The following GXYLT1 variants were observed in gnomAD, a reference collection of about 807,000 sequenced individuals.
GXYLT1 encodes the protein glycosyltransferase 8 domain containing 3.
In GXYLT1, 29 loss-of-function variants were observed where a neutral mutation model predicts 54.0. The observed-to-expected ratio is 0.54, with a 90% CI of 0.40 to 0.73. GXYLT1 has a LOEUF of 0.73. Ranked by LOEUF, GXYLT1 falls within the 30% of genes least tolerant of loss-of-function variation. The pLI, the probability that GXYLT1 is intolerant of heterozygous loss-of-function variation, is 0.00. For missense variants in GXYLT1, 490 were observed against 553.4 expected (o/e 0.89, Z 1.15); for synonymous variants, 176 against 204.1 (o/e 0.86, Z 1.17).
At chr12:42,144,365 G>T in intron 1 of GXYLT1, 61 bp downstream of exon 1, 1 of 1,176,780 alleles carries the variant, frequency 8.5e-7, no homozygotes, top group Non-Finnish European at 1.1e-6. Context: ...CCCGGGCTAG[G>T]CCGAGCCCGC....
intron 1 of GXYLT1, 51 bp from the exon 2 acceptor site, chr12:42,129,902 A>C (rs1317821033): frequency 7.6e-6 from 9 of 1,177,744 alleles, no homozygotes; most frequent in Non-Finnish European, 8.8e-6. Context: ...TTTGGTTTGG[A>C]ACTAACAAGG....
intron 1 of GXYLT1, among the ~76,000 whole-genome samples, chr12:42,136,402 G>A (rs2065619532): frequency 6.6e-6 from 1 of 152,130 alleles, no homozygotes; most frequent in Non-Finnish European, 1.5e-5. Flanking sequence ...ATTTTAATGA[G>A]GCAAAGCATT....
chr12:42,132,989 A>G (rs1565580764), intron 1 of GXYLT1, among the ~76,000 whole-genome samples: 2 of 152,118 alleles, frequency 1.3e-5, no homozygotes, highest in Non-Finnish European at 2.9e-5. Flanking sequence ...ACTTCTATTA[A>G]TAAGTAGGAT....
At chr12:42,144,275 C>T in intron 1 of GXYLT1, 151 bp downstream of exon 1, 1 of 388,744 alleles carries the variant, frequency 2.6e-6, no homozygotes, top group Non-Finnish European at 4.2e-6. Flanking sequence ...TAGCCCCGGC[C>T]GGAGGGGAAG....
rs2065366197 is a variant in GXYLT1 at position 42,097,981 on chromosome 12, A to G, written c.917T>C (p.Leu306Pro). The G allele has an allele frequency of 6.2e-7, 1 of 1,605,312 alleles. No individual in the cohort carries two copies. The highest frequency in any genetic ancestry group is 1.3e-5 in the African/African-American group (1 of 74,722). The change falls in exon 6 of 8, where the codon CTT (leucine) becomes CCT (proline). Residue 306 changes from leucine (L) to proline (P), a missense_variant. Transcript: ENST00000398675. ...LQWGDILMPL[L>P]KKYKLNITWG... is the part of the protein sequence containing the mutation. ...TGTGATGTTTAGTTTGTATTTTTTA[A>G]GCAATGGCATAAGTATATCTCCCCA... is the stretch of plus-strand genomic sequence containing the variant.
Position 42,144,680 on chromosome 12 carries a change from C to CG in GXYLT1, c.-35_-34insC. Reference sequence around the variant, plus strand: ...CCGCGCTCCTCCTTCGCCGCCGCCGCCGCGCCCGCCCCGACGAACTGGAGC... The same window carrying CG: ...CCGCGCTCCTCCTTCGCCGCCGCCGCGCGCGCCCGCCCCGACGAACTGGAGC... On this transcript the variant is annotated 5_prime_UTR_variant, in exon 1 of 8. Coordinates refer to ENST00000398675, the MANE Select transcript of GXYLT1 (RefSeq NM_173601.2). The CG allele has an allele frequency of 7.3e-7, 1 of 1,377,490 alleles. No homozygotes were observed. The highest frequency in any genetic ancestry group is 1.5e-5 in the South Asian group (1 of 66,440). 85.3% of individuals were successfully genotyped at this position (1,377,490 alleles called of 1,614,324 possible).
chr12:42,103,770 T>C (rs557656643), intron 5 of GXYLT1, among the ~76,000 whole-genome samples: 2 of 152,254 alleles, frequency 1.3e-5, no homozygotes, highest in South Asian at 4.1e-4. Context: ...ACCAATCATC[T>C]TGTGTTTTTT....
intron 3 of GXYLT1, among the ~76,000 whole-genome samples, chr12:42,112,048 A>C (rs1165748989): frequency 6.7e-6 from 1 of 150,194 alleles, no homozygotes; most frequent in Non-Finnish European, 1.5e-5. Context: ...GACCTCTAGC[A>C]AACTCCAAAC....
intron 4 of GXYLT1, among the ~76,000 whole-genome samples, chr12:42,108,558 A>C (rs2065434089): frequency 6.6e-6 from 1 of 152,018 alleles, no homozygotes. Flanking sequence ...AGTATCTAAA[A>C]CTTTTTTTTT....
Position 42,121,082 on chromosome 12 carries a change from T to C in GXYLT1, c.315-1911A>G, listed in dbSNP as rs182581230. ...CAATGACAAGTTAAAAACTAGGCAA[T>C]CAAGACATGACAATTTTTAGAGAAT... On this transcript the variant is annotated intron_variant, in intron 2 of 7. Coordinates refer to ENST00000398675, the MANE Select transcript of GXYLT1 (RefSeq NM_173601.2). 2.0e-3 allele frequency among the ~76,000 whole-genome samples: 302 copies of C among 152,272 alleles called. 4 individuals carry two copies. The highest frequency in any genetic ancestry group is 6.4e-3 in the African/African-American group (267 of 41,562).
Position 42,106,040 on chromosome 12 carries a change from C to T in GXYLT1, c.642G>A (p.Leu214=), listed in dbSNP as rs773058863. The change falls in exon 5 of 8, where the codon TTG becomes TTA. Residue 214 remains leucine (L), a synonymous_variant. Coordinates refer to ENST00000398675, the MANE Select transcript of GXYLT1 (RefSeq NM_173601.2). The stretch of plus-strand genomic sequence containing the variant: ...AAAAAAGGATATCAGTGTCGACATA[C>T]AATAGTGAGTCAACTTCTTTCAGGA... ...PLILKEVDSL[L]YVDTDILFLR... 4 of 1,607,976 alleles carry T rather than the reference C, an allele frequency of 2.5e-6. No homozygotes were observed. In the Admixed American group the frequency reaches 5.0e-5, roughly 20 times the overall value.
intron 3 of GXYLT1, among the ~76,000 whole-genome samples, chr12:42,117,560 T>C (rs539110409): frequency 6.6e-6 from 1 of 152,170 alleles, no homozygotes; most frequent in East Asian, 1.9e-4. Context: ...ATTTTTTACA[T>C]AGACCAAGCA....
At chr12:42,129,340 A>T (rs1262837002) in intron 2 of GXYLT1, among the ~76,000 whole-genome samples, 2 of 152,174 alleles carry the variant, frequency 1.3e-5, no homozygotes, top group Non-Finnish European at 2.9e-5. Context: ...CCCAGTATTC[A>T]ATCTCTCTAC....
intron 5 of GXYLT1, among the ~76,000 whole-genome samples, chr12:42,104,548 A>C (rs2065408415): frequency 1.1e-5 from 1 of 92,640 alleles, no homozygotes; most frequent in African/African-American, 5.1e-5. Context: ...GATTCAGAAA[A>C]GGGAAAGCTA....
rs1003747340 is a variant in GXYLT1 at position 42,084,416 on chromosome 12, G to A, written c.*3370C>T. On this transcript the variant is annotated 3_prime_UTR_variant, in exon 8 of 8. Coordinates refer to ENST00000398675, the MANE Select transcript of GXYLT1 (RefSeq NM_173601.2). Reference sequence around the variant, plus strand: ...AAATTCATACTGGAGATATATGTCAGAAAACATTCAGCCTGAGTAAACTGA... The same window carrying A: ...AAATTCATACTGGAGATATATGTCAAAAAACATTCAGCCTGAGTAAACTGA... 6 of 152,368 alleles carry A rather than the reference G, an allele frequency of 3.9e-5. No individual in the cohort carries two copies. Among genetic ancestry groups the A allele is most frequent in the African/African-American group, 1.4e-4 (6 of 41,494 alleles). 9.4% of individuals were successfully genotyped at this position (152,368 alleles called of 1,614,324 possible).
chr12:42,111,750 G>T (rs1189969272), intron 3 of GXYLT1, among the ~76,000 whole-genome samples: 2 of 152,222 alleles, frequency 1.3e-5, no homozygotes, highest in East Asian at 3.9e-4. Context: ...AACCTCTGCA[G>T]ACTTAAATGT....
intron 1 of GXYLT1, among the ~76,000 whole-genome samples, chr12:42,137,503 CAAAAAAAAAAA>C (rs34628599): frequency 7.0e-5 from 5 of 71,670 alleles, no homozygotes; most frequent in South Asian, 5.9e-4. Flanking sequence ...GCATCTGTTT[CAAAAAAAAAAA>C]AAAAAAAAAA....
Position 42,144,636 on chromosome 12 carries a change from T to G in GXYLT1, c.11A>C (p.Tyr4Ser), listed in dbSNP as rs1592132171. The change falls in exon 1 of 8, where the codon TAC (tyrosine) becomes TCC (serine). Residue 4 changes from tyrosine to serine, a missense_variant. Physicochemically the swap from Tyr to Ser is moderately radical, Grantham distance 144. Coordinates refer to ENST00000398675, the MANE Select transcript of GXYLT1 (RefSeq NM_173601.2). ...CACACACAGCACCACGACGCGCAGG[T>G]AGCGCCGCATCGCCCCGGCCGCGCT... MRR[Y>S]LRVVVLCVAC... 1 of 1,457,708 alleles carries G rather than the reference T, an allele frequency of 6.9e-7. No individual in the cohort carries two copies. Among genetic ancestry groups the G allele is most frequent in the Non-Finnish European group, 9.1e-7 (1 of 1,103,040 alleles). 90.3% of individuals were successfully genotyped at this position (1,457,708 alleles called of 1,614,324 possible).
chr12:42,098,077 A>G (rs1452725597), intron 5 of GXYLT1, 44 bp from the exon 6 acceptor site: 2 of 1,591,104 alleles, frequency 1.3e-6, no homozygotes, highest in Non-Finnish European at 1.7e-6. Flanking sequence ...TTTCAGGCTT[A>G]AAATGGCAGC....
Sources: allele counts gnomAD v4.1 joint callset (sites outside exome capture counted in the v4.1 genomes callset), GRCh38; gene constraint gnomAD v4.1.1; transcripts MANE v1.5; gene names NCBI Gene and HGNC (gene_info 2026-07-23, HGNC 2026-07-21).